Variants in LMBR1 observed in about 807,000 individuals in gnomAD.
LMBR1 encodes limb development membrane protein 1.
A neutral mutation model predicts 73.9 loss-of-function variants in LMBR1; 52 were observed. The ratio of observed to expected loss-of-function variants is 0.70; its 90% CI spans 0.56 to 0.89. LMBR1 has a LOEUF of 0.89. Among genes scored for constraint, LMBR1 ranks in the 40% least tolerant of loss-of-function variants. The pLI, the probability that LMBR1 is intolerant of heterozygous loss-of-function variation, is 0.00. For missense variants in LMBR1, 539 were observed against 579.8 expected (o/e 0.93, Z 0.72); for synonymous variants, 215 against 209.4 (o/e 1.03, Z -0.23).
intron 9 of LMBR1, among the ~76,000 whole-genome samples, chr7:156,743,771 A>G (rs1563259607): frequency 1.3e-5 from 2 of 152,208 alleles, no homozygotes; most frequent in East Asian, 1.9e-4. Flanking sequence ...ACTTTTCATT[A>G]TAATATCAGC....
chr7:156,672,421 T>C (rs888411956), intron 4 of LMBR1, among the ~76,000 whole-genome samples: 1 of 152,130 alleles, frequency 6.6e-6, no homozygotes, highest in Non-Finnish European at 1.5e-5. Flanking sequence ...AAGGAGGCAA[T>C]AGGTGACATC....
At chr7:156,779,627 A>C (rs1443967330) in intron 5 of LMBR1, 16 of 1,168,332 alleles carry the variant, frequency 1.4e-5, no homozygotes, top group Non-Finnish European at 1.7e-5. Flanking sequence ...AATTCACATC[A>C]ATGAAGTGAA....
chr7:156,678,117 A>G lies in LMBR1; in HGVS notation c.*5961T>C, dbSNP rs1804389414. 1 of 152,316 alleles carries G rather than the reference A, an allele frequency of 6.6e-6. No individual in the cohort carries two copies. The highest frequency in any genetic ancestry group is 2.1e-4 in the South Asian group (1 of 4,830). The allele number at this position is 152,316 out of a possible 1,614,324, so 9.4% of individuals were successfully genotyped here. A position where few individuals can be genotyped will look rare whatever the true frequency, so the allele number is the denominator to read the frequency against. ...ACACTTCTTCCGGGGCTTTCTCATC[A>G]CATCTGTGAGCCATGCCATCCACCC... On this transcript the variant is annotated 3_prime_UTR_variant, in exon 17 of 17. Coordinates refer to ENST00000353442, the MANE Select transcript of LMBR1 (RefSeq NM_022458.4).
At chr7:156,891,865 G>C (rs1283258830) in intron 1 of LMBR1, among the ~76,000 whole-genome samples, 1 of 152,162 alleles carries the variant, frequency 6.6e-6, no homozygotes. Context: ...TTTATTCAAA[G>C]TATGACTTCC....
chr7:156,753,209 T>C (rs1004469168), intron 9 of LMBR1, among the ~76,000 whole-genome samples: 5 of 151,636 alleles, frequency 3.3e-5, no homozygotes, highest in Non-Finnish European at 7.4e-5. Flanking sequence ...GGGAAGGACA[T>C]GCACACAGAC....
At chr7:156,860,806 C>T (rs1229278304) in intron 1 of LMBR1, among the ~76,000 whole-genome samples, 1 of 152,244 alleles carries the variant, frequency 6.6e-6, no homozygotes, top group Non-Finnish European at 1.5e-5. Context: ...GCAGTCAAAT[C>T]TTAAAGCTCC....
chr7:156,825,492 G>A (rs1488081232), intron 4 of LMBR1, among the ~76,000 whole-genome samples: 1 of 152,128 alleles, frequency 6.6e-6, no homozygotes, highest in African/African-American at 2.4e-5. Flanking sequence ...TGTTTACCCT[G>A]ATGTGAGTCT....
At chr7:156,826,473 A>T in intron 4 of LMBR1, 132 bp downstream of exon 4, 2 of 536,652 alleles carry the variant, frequency 3.7e-6, no homozygotes, top group Non-Finnish European at 6.1e-6. Flanking sequence ...TTCTGACATT[A>T]TTAAAGACCC....
chr7:156,860,671 A>T (rs1336337811), intron 1 of LMBR1, among the ~76,000 whole-genome samples: 1 of 152,258 alleles, frequency 6.6e-6, no homozygotes, highest in Non-Finnish European at 1.5e-5. Context: ...TAAAATCAAA[A>T]GCAAGTTAGT....
chr7:156,763,933 G>T, intron 5 of LMBR1, 138 bp from the exon 6 acceptor site: 1 of 556,824 alleles, frequency 1.8e-6, no homozygotes, highest in Non-Finnish European at 2.9e-6. Context: ...AAAAACACTA[G>T]GTACTTATGG....
chr7:156,752,572 G>A (rs1481946227), intron 9 of LMBR1, among the ~76,000 whole-genome samples: 1 of 152,176 alleles, frequency 6.6e-6, no homozygotes, highest in Non-Finnish European at 1.5e-5. Context: ...AGGCAGCTGT[G>A]AGGGGAGCTG....
intron 1 of LMBR1, among the ~76,000 whole-genome samples, chr7:156,858,335 T>C (rs925741204): frequency 2.0e-5 from 3 of 152,128 alleles, no homozygotes; most frequent in Non-Finnish European, 2.9e-5. Context: ...AAAACTTAGA[T>C]GAATAAATAC....
At chr7:156,773,815 C>A (rs1825638738) in intron 5 of LMBR1, among the ~76,000 whole-genome samples, 1 of 152,028 alleles carries the variant, frequency 6.6e-6, no homozygotes, top group Non-Finnish European at 1.5e-5. Context: ...GATGAAGACA[C>A]CAAAAGTAAC....
intron 5 of LMBR1, among the ~76,000 whole-genome samples, chr7:156,781,975 A>G (rs1827209677): frequency 6.6e-6 from 1 of 152,204 alleles, no homozygotes. Context: ...TACCCATTAA[A>G]CAATAACTTC....
chr7:156,828,566 G>A lies in LMBR1; in HGVS notation c.180-1822C>T, dbSNP rs902806130. Among the ~76,000 whole-genome samples, 3 of 152,136 alleles carry A rather than the reference G, an allele frequency of 2.0e-5. No individual in the cohort carries two copies. In the East Asian group the frequency reaches 5.8e-4, roughly 29 times the overall value. On this transcript the variant is annotated intron_variant, in intron 3 of 16. Coordinates refer to ENST00000353442, the MANE Select transcript of LMBR1 (RefSeq NM_022458.4). ...ATAAGGTGATGAGGGCATACACTCA[G>A]ATGCTGAATATAACTAGTCACTGAA...
At chr7:156,789,400 T>G (rs1828793657) in intron 5 of LMBR1, among the ~76,000 whole-genome samples, 1 of 152,202 alleles carries the variant, frequency 6.6e-6, no homozygotes, top group Non-Finnish European at 1.5e-5. Context: ...GTGACTTAAG[T>G]TTTAAAGAAA....
chr7:156,709,825 C>T (rs112691798), intron 15 of LMBR1, among the ~76,000 whole-genome samples: 1,761 of 151,712 alleles, frequency 0.012, 16 homozygotes, highest in Middle Eastern at 0.017. Flanking sequence ...GAAGATCACA[C>T]TAGCTCCCTA....
intron 1 of LMBR1, among the ~76,000 whole-genome samples, chr7:156,870,721 C>T (rs936546088): frequency 1.3e-5 from 2 of 149,794 alleles, no homozygotes; most frequent in Non-Finnish European, 3.0e-5. Context: ...GCCGAGATCG[C>T]GGCACAACCT....
At chr7:156,842,669 G>A (rs1586173518) in intron 1 of LMBR1, among the ~76,000 whole-genome samples, 1 of 152,258 alleles carries the variant, frequency 6.6e-6, no homozygotes, top group East Asian at 1.9e-4. Flanking sequence ...TATTCCAGAA[G>A]GAGTATGTAA....
Sources: allele counts gnomAD v4.1 joint callset (sites outside exome capture counted in the v4.1 genomes callset), GRCh38; gene constraint gnomAD v4.1.1; transcripts MANE v1.5; gene names NCBI Gene and HGNC (gene_info 2026-07-23, HGNC 2026-07-21).